CEP152: variants seen among roughly 807,000 people sequenced by gnomAD.
CEP152 encodes centrosomal protein 152.
CEP152 carries 132 observed loss-of-function variants against 188.9 expected under a neutral mutation model. The ratio of observed to expected loss-of-function variants is 0.70; its 90% CI spans 0.61 to 0.81. The LOEUF is 0.81. Ranked by LOEUF, CEP152 falls within the 30% of genes least tolerant of loss-of-function variation. The pLI, the probability that CEP152 is intolerant of heterozygous loss-of-function variation, is 0.00. For missense variants in CEP152, 1,914 were observed against 1,969.8 expected, an observed-to-expected ratio of 0.97 and a Z score of 0.54; for synonymous variants, 649 against 666.6, an observed-to-expected ratio of 0.97 and a Z score of 0.41.
At chr15:48,769,201 T>A (rs1895358488) in intron 13 of CEP152, 120 bp from the exon 14 acceptor site, 4 of 750,502 alleles carry the variant, frequency 5.3e-6, no homozygotes, top group Non-Finnish European at 8.7e-6. Flanking sequence ...TAGCTTTTAC[T>A]CATCTTCCCC....
intron 10 of CEP152, 105 bp downstream of exon 10, chr15:48,783,868 T>C: frequency 9.9e-7 from 1 of 1,013,246 alleles, no homozygotes; most frequent in Non-Finnish European, 1.5e-6. Flanking sequence ...TTGCTGATTG[T>C]GTTTTCTGTC....
Position 48,738,455 on chromosome 15 carries a change from C to T in CEP152, c.4927G>A (p.Glu1643Lys). The change falls in exon 27 of 27, where the codon GAA becomes AAA. Residue 1643 changes from glutamate to lysine, a missense_variant. Coordinates refer to ENST00000380950, the MANE Select transcript of CEP152 (RefSeq NM_001194998.2). ...TTTCCTGGCTCCAAATACGTGGTTT[C>T]TTCTGACAGGTATGGAGTTTGATAA... ...QRYQTPYLSE[E>K]TTYLEPGKIS... The T allele has an allele frequency of 1.5e-5, 24 of 1,614,182 alleles. No homozygotes were observed. Among genetic ancestry groups the T allele is most frequent in the Non-Finnish European group, 2.0e-5 (24 of 1,180,014 alleles).
chr15:48,735,460 C>T (rs1892563312), downstream of CEP152, among the ~76,000 whole-genome samples: 3 of 152,116 alleles, frequency 2.0e-5, no homozygotes, highest in East Asian at 1.9e-4. Context: ...AAGGGCCAGG[C>T]GTGGTGGCTC....
At chr15:48,760,560 C>T (rs367804025) in intron 18 of CEP152, among the ~76,000 whole-genome samples, 18 of 152,270 alleles carry the variant, frequency 1.2e-4, no homozygotes, top group African/African-American at 4.3e-4. Flanking sequence ...TTTCTAACAA[C>T]TCCTATTTAT....
chr15:48,735,068 T>C (rs1210749095), downstream of CEP152, among the ~76,000 whole-genome samples: 1 of 152,204 alleles, frequency 6.6e-6, no homozygotes, highest in Non-Finnish European at 1.5e-5. Context: ...ATATACATTC[T>C]TTTCAGGTGC....
downstream of CEP152, among the ~76,000 whole-genome samples, chr15:48,733,372 G>A (rs554306432): frequency 1.7e-4 from 26 of 152,116 alleles, no homozygotes; most frequent in South Asian, 6.2e-4. Context: ...AAATTCTAGA[G>A]TCAGAAAGTT....
chr15:48,778,126 C>G (rs2140821052), intron 12 of CEP152, among the ~76,000 whole-genome samples: 1 of 152,312 alleles, frequency 6.6e-6, no homozygotes, highest in South Asian at 2.1e-4. Flanking sequence ...TGTCTGCAAG[C>G]TGCATGCAGA....
intron 7 of CEP152, among the ~76,000 whole-genome samples, chr15:48,792,612 G>C (rs1472930677): frequency 6.6e-6 from 1 of 152,096 alleles, no homozygotes. Context: ...ATGCTAATTT[G>C]TAGCCTCAGG....
In CEP152 at chr15:48,791,037, T is replaced by C. The variant is rs541519727; in HGVS notation, c.972+200A>G. ...CAAGTTTAAAAAACAGTTCTCCAAA[T>C]GGAGAAGCAGCAGGAAAAATAAAAA... On this transcript the variant is annotated intron_variant, in intron 8 of 26. Transcript: ENST00000380950. 5.3e-5 allele frequency among the ~76,000 whole-genome samples: 8 copies of C among 152,264 alleles called. No individual in the cohort carries two copies. The South Asian group carries it at 1.7e-3, about 32-fold the overall frequency.
chr15:48,756,128 A>G lies in CEP152; in HGVS notation c.3120T>C (p.Tyr1040=). The change falls in exon 20 of 27, where the codon TAT becomes TAC. Residue 1040 remains tyrosine (Y), a synonymous_variant. Coordinates refer to ENST00000380950, the MANE Select transcript of CEP152 (RefSeq NM_001194998.2). ...QEAKRIQLEI[Y]QYEEDILTVL... ...CAGTCAGGATGTCTTCCTCATACTG[A>G]TAGATTTCCAGTTGGATCCGCTTGG... is the stretch of plus-strand genomic sequence containing the variant. The G allele has an allele frequency of 6.2e-7, 1 of 1,614,118 alleles. No individual in the cohort carries two copies. The highest frequency in any genetic ancestry group is 1.1e-5 in the South Asian group (1 of 91,080).
chr15:48,806,684 C>G (rs1898005067), intron 1 of CEP152, among the ~76,000 whole-genome samples: 1 of 152,214 alleles, frequency 6.6e-6, no homozygotes, highest in Admixed American at 6.5e-5. Context: ...GAGAACTTAG[C>G]TCCCTCGTCT....
intron 6 of CEP152, among the ~76,000 whole-genome samples, chr15:48,794,293 T>C (rs1595691109): frequency 1.3e-5 from 2 of 152,196 alleles, no homozygotes; most frequent in African/African-American, 4.8e-5. Context: ...GTAGGTATGC[T>C]TCAACTACAT....
chr15:48,788,221 G>A (rs927611345), intron 9 of CEP152, among the ~76,000 whole-genome samples: 1 of 151,682 alleles, frequency 6.6e-6, no homozygotes, highest in Admixed American at 6.6e-5. Context: ...ACAAATAAAG[G>A]ACAAGTAATG....
At chr15:48,782,089 A>C (rs1292764805) in intron 11 of CEP152, 50 bp downstream of exon 11, 36 of 1,502,746 alleles carry the variant, frequency 2.4e-5, no homozygotes, top group Non-Finnish European at 3.3e-5. Context: ...TGATGTAACT[A>C]CTGCCTAATT....
Position 48,760,360 on chromosome 15 carries a change from A to C in CEP152, c.2563-94T>G, listed in dbSNP as rs1311311691. The C allele has an allele frequency of 5.0e-6, 7 of 1,405,336 alleles. No individual in the cohort carries two copies. The East Asian group carries it at 1.6e-4, about 32-fold the overall frequency. 87.1% of individuals were successfully genotyped at this position (1,405,336 alleles called of 1,614,324 possible). A position where few individuals can be genotyped will look rare whatever the true frequency, so the allele number is the denominator to read the frequency against. On this transcript the variant is annotated intron_variant, in intron 18 of 26. Transcript: ENST00000380950. Reference sequence around the variant, plus strand: ...AGCAATTATGATTTCAGTATTTTATACTGTATATCACTACATAATAAAGTC... The same window carrying C: ...AGCAATTATGATTTCAGTATTTTATCCTGTATATCACTACATAATAAAGTC...
intron 12 of CEP152, among the ~76,000 whole-genome samples, chr15:48,778,716 G>A (rs1002418691): frequency 5.3e-5 from 8 of 152,230 alleles, no homozygotes; most frequent in South Asian, 2.1e-4. Flanking sequence ...TTGGGAGGCC[G>A]AGGTGGGAGG....
In CEP152 at chr15:48,784,118, T is replaced by G. The variant is rs372066992; in HGVS notation, c.1176A>C (p.Glu392Asp). 3.9e-5 allele frequency: 63 copies of G among 1,612,606 alleles called. No individual in the cohort carries two copies. The highest frequency in any genetic ancestry group is 4.9e-5 in the Non-Finnish European group (58 of 1,179,220). The change falls in exon 10 of 27, where the codon GAA (glutamate) becomes GAC (aspartate). Residue 392 changes from glutamate to aspartate, a missense_variant and splice_region_variant. Coordinates refer to ENST00000380950, the MANE Select transcript of CEP152 (RefSeq NM_001194998.2). Reference protein sequence around the residue: ...DATVTALKEQEDICSRLKDHV... With the variant: ...DATVTALKEQDDICSRLKDHV... ...GATCTTTCAGACGAGAGCAAATGTCTTCCTAAATAGAAAAAAAGTTCAGGA... is the reference window on the plus strand; with the variant it reads ...GATCTTTCAGACGAGAGCAAATGTCGTCCTAAATAGAAAAAAAGTTCAGGA...
rs193086257 is a variant in CEP152 at position 48,807,360 on chromosome 15, A to C, written c.-7-1704T>G. On this transcript the variant is annotated intron_variant, in intron 1 of 26. Transcript: ENST00000380950. ...TTTTTCCACTATGCAAATAGACTTA[A>C]TATTCTACAGAACACTATATATATT... Among the ~76,000 whole-genome samples, 152 of 152,334 alleles carry C rather than the reference A, an allele frequency of 1.0e-3. 2 individuals carry two copies. The highest frequency in any genetic ancestry group is 1.6e-3 in the Non-Finnish European group (110 of 68,038).
Position 48,744,337 on chromosome 15 carries a change from C to T in CEP152, c.3738G>A (p.Leu1246=). The part of the protein sequence containing the change: ...QTLCKTPPRS[L]SAGAIENACL... ...AAGCATTTTCAATGGCCCCTGCTGA[C>T]AATGACCTAAAAAACAAACCAAAGA... The change falls in exon 24 of 27, where the codon TTG becomes TTA. Residue 1246 remains leucine, a synonymous_variant. Transcript: ENST00000380950. 1 of 1,613,928 alleles carries T rather than the reference C, an allele frequency of 6.2e-7. No homozygotes were observed. The highest frequency in any genetic ancestry group is 2.2e-5 in the East Asian group (1 of 44,846).
Sources: allele counts gnomAD v4.1 joint callset (sites outside exome capture counted in the v4.1 genomes callset), GRCh38; gene constraint gnomAD v4.1.1; transcripts MANE v1.5; gene names NCBI Gene and HGNC (gene_info 2026-07-23, HGNC 2026-07-21).